Variants in SMCO2 observed in about 807,000 individuals in gnomAD.
SMCO2 encodes single-pass membrane protein with coiled-coil domains 2, also known as single-pass membrane and coiled-coil domain-containing protein 2.
SMCO2 carries 25 observed loss-of-function variants against 29.5 expected under a neutral mutation model. That is an observed-to-expected ratio of 0.85 (90% confidence interval 0.62 to 1.18). The LOEUF is 1.18. SMCO2 is among the 50% of genes most tolerant of loss of function. The pLI is 0.00. For missense variants in SMCO2, 348 were observed against 344.5 expected, an observed-to-expected ratio of 1.01 and a Z score of -0.08; for synonymous variants, 117 against 123.3, an observed-to-expected ratio of 0.95 and a Z score of 0.34.
the SMCO2 span, among the ~76,000 whole-genome samples, chr12:27,437,123 G>A: frequency 6.6e-6 from 1 of 152,112 alleles, no homozygotes; most frequent in Non-Finnish European, 1.5e-5. Flanking sequence ...AACATAAGTG[G>A]GGCTGGGTGC....
At chr12:27,498,053 G>T in intron 7 of SMCO2, 1 of 282,682 alleles carries the variant, frequency 3.5e-6, no homozygotes. Flanking sequence ...GAAGGAAAAA[G>T]AAAGAAGCAA....
exon 7 of SMCO2, chr12:27,495,776 A>T: frequency 6.5e-7 from 1 of 1,541,332 alleles, no homozygotes; most frequent in Non-Finnish European, 8.8e-7. Context: ...GGAAATAGAT[A>T]CGGAAGAGAT....
the SMCO2 span, among the ~76,000 whole-genome samples, chr12:27,460,158 G>A: frequency 5.9e-5 from 9 of 152,200 alleles, no homozygotes; most frequent in South Asian, 2.1e-4. Flanking sequence ...GTAAAATGGA[G>A]ACAATGATAG....
intron 7 of SMCO2, among the ~76,000 whole-genome samples, chr12:27,501,139 G>A (rs1205300960): frequency 1.3e-5 from 2 of 150,352 alleles, no homozygotes; most frequent in African/African-American, 2.5e-5. Context: ...TCTATTGGCC[G>A]GGCGCGGTGG....
At chr12:27,428,818 C>CTTTTTT in the SMCO2 span, among the ~76,000 whole-genome samples, 153 of 130,032 alleles carry the variant, frequency 1.2e-3, 4 homozygotes, top group African/African-American at 3.4e-3. Context: ...AATAAATGTA[C>CTTTTTT]TTTTTTTTTT....
At chr12:27,450,887 C>T in the SMCO2 span, among the ~76,000 whole-genome samples, 7 of 152,082 alleles carry the variant, frequency 4.6e-5, no homozygotes, top group African/African-American at 1.4e-4. Context: ...TGTCCATGAA[C>T]GAGGCTATCC....
chr12:27,457,628 G>A, the SMCO2 span, among the ~76,000 whole-genome samples: 1 of 152,192 alleles, frequency 6.6e-6, no homozygotes, highest in Non-Finnish European at 1.5e-5. Flanking sequence ...AGGACTGAAG[G>A]TTTCAGGCAA....
At chr12:27,488,663 C>T in intron 5 of SMCO2, 116 bp downstream of exon 6, 1 of 676,116 alleles carries the variant, frequency 1.5e-6, no homozygotes, top group East Asian at 3.3e-5. Context: ...AGCAGGAGTG[C>T]TCTCTGGTGG....
At chr12:27,450,064 C>T in the SMCO2 span, among the ~76,000 whole-genome samples, 3 of 152,202 alleles carry the variant, frequency 2.0e-5, no homozygotes, top group South Asian at 2.1e-4. Flanking sequence ...AAATGCTGTG[C>T]GGAATGGATT....
chr12:27,502,108 T>C, exon 8 of SMCO2: 6 of 1,540,780 alleles, frequency 3.9e-6, no homozygotes, highest in Non-Finnish European at 5.2e-6. Flanking sequence ...GTGGAAGCCT[T>C]GTTACCCTCC....
At chr12:27,463,200 T>G (rs1485609301), upstream of SMCO2, among the ~76,000 whole-genome samples, 5 of 152,246 alleles carry the variant, frequency 3.3e-5, no homozygotes, top group African/African-American at 1.2e-4. Flanking sequence ...TGGGTGCTGC[T>G]GTTTGTGATT....
chr12:27,477,832 C>A (rs1949603611), intron 4 of SMCO2, among the ~76,000 whole-genome samples: 1 of 151,926 alleles, frequency 6.6e-6, no homozygotes, highest in Admixed American at 6.6e-5. Flanking sequence ...GTATTGCTTA[C>A]CTGTGTTCTC....
chr12:27,433,043 A>G, the SMCO2 span, among the ~76,000 whole-genome samples: 1 of 152,212 alleles, frequency 6.6e-6, no homozygotes, highest in Non-Finnish European at 1.5e-5. Context: ...CATTGGTGTC[A>G]GTTCTCTGGA....
the SMCO2 span, chr12:27,423,924 A>T: frequency 6.6e-6 from 1 of 152,224 alleles, no homozygotes; most frequent in Non-Finnish European, 1.5e-5. Context: ...GAGCACTTGC[A>T]ATGTGGCTAG....
At chr12:27,488,479 A>G (rs1307409990) in exon 5 of SMCO2, 1 of 1,537,556 alleles carries the variant, frequency 6.5e-7, no homozygotes. Context: ...AGACATGCTG[A>G]CCCTGAAGGG....
chr12:27,487,956 T>C (rs1015103964), intron 4 of SMCO2, among the ~76,000 whole-genome samples: 1 of 152,102 alleles, frequency 6.6e-6, no homozygotes, highest in African/African-American at 2.4e-5. Context: ...TTGAGCTTTT[T>C]TTGAGATTTT....
intron 3 of SMCO2, 30 bp from the exon 4 acceptor site, chr12:27,474,756 C>T: frequency 3.2e-6 from 5 of 1,550,668 alleles, no homozygotes; most frequent in Non-Finnish European, 4.4e-6. Flanking sequence ...ACCTTTTGTT[C>T]TGCTTTGCTT....
chr12:27,450,639 A>C, the SMCO2 span, among the ~76,000 whole-genome samples: 1 of 152,236 alleles, frequency 6.6e-6, no homozygotes, highest in Admixed American at 6.5e-5. Context: ...GCCAATCTTT[A>C]TCTAAACCAG....
chr12:27,487,167 C>T (rs1384493447), intron 4 of SMCO2, among the ~76,000 whole-genome samples: 2 of 152,210 alleles, frequency 1.3e-5, no homozygotes, highest in African/African-American at 4.8e-5. Context: ...CTATGACAAT[C>T]AGATCCTCAA....
Sources: gnomAD v4.1 joint callset for allele counts (sites outside exome capture counted in the v4.1 genomes callset) on GRCh38, gnomAD v4.1.1 for gene constraint, MANE v1.5 for transcripts, NCBI Gene and HGNC (gene_info 2026-07-23, HGNC 2026-07-21) for gene names.